UNC79: variants seen among roughly 807,000 people sequenced by gnomAD.
The protein encoded by UNC79 is protein unc-79 homolog.
Under a neutral mutation model 283.1 loss-of-function variants are expected in UNC79, and 37 were observed. That is an observed-to-expected ratio of 0.13 (90% CI 0.10 to 0.17). The LOEUF is 0.17. Among genes scored for constraint, UNC79 ranks in the 10% least tolerant of loss-of-function variants. The pLI is 1.00. For missense variants in UNC79, 2,272 were observed against 3,211.1 expected (o/e 0.71, Z 7.07); for synonymous variants, 1,107 against 1,200.2 (o/e 0.92, Z 1.61).
At position 93,568,086 on chromosome 14, in the gene UNC79, A is replaced by G. The variant is rs113215323; in HGVS notation, c.1756-3808A>G. ...GAAGACTTTGAATAGAATGGGAGGC[A>G]GATTTGCCCTGAGCAGTTCCCAGCT... On this transcript the variant is annotated intron_variant, in intron 14 of 48. Transcript: ENST00000555664. 3.0e-3 allele frequency among the ~76,000 whole-genome samples: 464 copies of G among 152,266 alleles called. 1 individual carries two copies. Among genetic ancestry groups the G allele is most frequent in the African/African-American group, 0.01 (427 of 41,560 alleles).
At chr14:93,452,683 T>C (rs1281760118) in intron 1 of UNC79, among the ~76,000 whole-genome samples, 11 of 152,110 alleles carry the variant, frequency 7.2e-5, no homozygotes, top group Admixed American at 6.6e-4. Flanking sequence ...CCACTGCACC[T>C]GGCCGAATTT....
intron 32 of UNC79, among the ~76,000 whole-genome samples, chr14:93,640,084 T>G (rs941766263): frequency 2.0e-5 from 3 of 152,230 alleles, no homozygotes; most frequent in African/African-American, 7.2e-5. Flanking sequence ...TTTGAGATTC[T>G]TCTTGGGGTG....
At chr14:93,672,866 A>G (rs1221534858) in intron 40 of UNC79, among the ~76,000 whole-genome samples, 1 of 152,174 alleles carries the variant, frequency 6.6e-6, no homozygotes, top group East Asian at 1.9e-4. Context: ...AAGCAAAATG[A>G]TGTGATCTGA....
At position 93,617,047 on chromosome 14, in the gene UNC79, G is replaced by T; in HGVS notation, c.4042-75G>T. 7.2e-7 allele frequency: 1 copy of T among 1,392,698 alleles called. No homozygotes were observed. Among genetic ancestry groups the T allele is most frequent in the South Asian group, 1.5e-5 (1 of 64,678 alleles). The allele number at this position is 1,392,698 out of a possible 1,614,324, so 86.3% of individuals were successfully genotyped here. On this transcript the variant is annotated intron_variant, in intron 27 of 48. Coordinates refer to ENST00000555664, the Ensembl canonical transcript of UNC79. The surrounding 1 kb of genome is among the most constrained non-coding windows in gnomAD (Gnocchi z 4.5). ...GTTAAAAATTTTAACCACTGGGATG[G>T]CTCAAATTTTTCCTTTTGACCTCTG...
intron 38 of UNC79, 31 bp downstream of exon 41, chr14:93,655,438 T>G (rs758649996): frequency 3.1e-6 from 5 of 1,605,702 alleles, no homozygotes; most frequent in Non-Finnish European, 4.3e-6. Flanking sequence ...CATTTTCAAT[T>G]AATTTCTTAC....
intron 40 of UNC79, among the ~76,000 whole-genome samples, chr14:93,665,429 A>G (rs370672857): frequency 6.6e-6 from 1 of 151,884 alleles, no homozygotes; most frequent in Non-Finnish European, 1.5e-5. Context: ...ATAAAGAGAA[A>G]TTCTAACAGA....
chr14:93,660,326 TAGA>T (rs1268723586), intron 39 of UNC79, among the ~76,000 whole-genome samples: 1 of 151,758 alleles, frequency 6.6e-6, no homozygotes, highest in Admixed American at 6.6e-5. Flanking sequence ...AGCTGGTTAG[TAGA>T]AGATTTGTGA....
exon 33 of UNC79, chr14:93,641,203 A>C: frequency 1.9e-6 from 3 of 1,613,794 alleles, no homozygotes; most frequent in Non-Finnish European, 2.5e-6. Flanking sequence ...TTGTGCCTGC[A>C]CCTGAAGAGT....
intron 12 of UNC79, among the ~76,000 whole-genome samples, chr14:93,540,078 T>A (rs2061302931): frequency 6.6e-6 from 1 of 152,238 alleles, no homozygotes; most frequent in Admixed American, 6.5e-5. Context: ...TCTTAATACA[T>A]TACCAAGTTG....
chr14:93,685,951 T>C (rs1355699793), intron 42 of UNC79, among the ~76,000 whole-genome samples: 1 of 152,228 alleles, frequency 6.6e-6, no homozygotes, highest in African/African-American at 2.4e-5. Context: ...TTTCGTTTCT[T>C]TCTTTTATTT....
At chr14:93,446,039 G>A (rs530380853) in intron 1 of UNC79, among the ~76,000 whole-genome samples, 11 of 152,056 alleles carry the variant, frequency 7.2e-5, no homozygotes, top group African/African-American at 2.4e-4. Flanking sequence ...CTGGTTAGAG[G>A]TTTATACATT....
intron 46 of UNC79, among the ~76,000 whole-genome samples, chr14:93,692,911 A>G (rs2074811013): frequency 6.6e-6 from 1 of 152,206 alleles, no homozygotes; most frequent in Non-Finnish European, 1.5e-5. Flanking sequence ...GACACCATCA[A>G]TAGAGTTCTT....
chr14:93,347,454 C>T (rs1243664676), intron 1 of UNC79: 2 of 1,388,152 alleles, frequency 1.4e-6, no homozygotes, highest in Non-Finnish European at 9.3e-7. Flanking sequence ...CGGGGCGCCC[C>T]GACGGGTGGG....
chr14:93,649,683 T>C lies in UNC79; in HGVS notation c.6083+3037T>C, dbSNP rs181721148. On this transcript the variant is annotated intron_variant, in intron 35 of 48. Transcript: ENST00000555664. ...TGTGAAATGATTACCACAATCAAGC[T>C]AATTAACATATCACCTCACATAGTT... 9.6e-4 allele frequency among the ~76,000 whole-genome samples: 146 copies of C among 152,360 alleles called. 1 individual carries two copies. The highest frequency in any genetic ancestry group is 3.4e-3 in the African/African-American group (142 of 41,584).
intron 1 of UNC79, among the ~76,000 whole-genome samples, chr14:93,408,701 C>A (rs1006975923): frequency 6.6e-5 from 10 of 152,018 alleles, no homozygotes; most frequent in African/African-American, 2.4e-4. Flanking sequence ...TAAAAAAAAC[C>A]CACAAAGTGT....
At chr14:93,691,682 G>C (rs2074711846) in intron 45 of UNC79, 67 bp from the exon 49 acceptor site, 2 of 1,572,268 alleles carry the variant, frequency 1.3e-6, no homozygotes, top group African/African-American at 2.7e-5. Flanking sequence ...AGCCATGCGG[G>C]AGGACTCCGT....
intron 26 of UNC79, chr14:93,604,919 C>A: frequency 6.3e-7 from 1 of 1,586,438 alleles, no homozygotes; most frequent in Non-Finnish European, 8.5e-7. Context: ...CAGGCATGAG[C>A]AGTCTGCTCC....
intron 23 of UNC79, among the ~76,000 whole-genome samples, chr14:93,597,112 A>G (rs912981782): frequency 7.2e-5 from 11 of 152,198 alleles, no homozygotes; most frequent in African/African-American, 2.7e-4. Flanking sequence ...CCAGAGTTAG[A>G]TCAAGGCTGC....
intron 1 of UNC79, among the ~76,000 whole-genome samples, chr14:93,412,271 C>T: frequency 6.6e-6 from 1 of 151,972 alleles, no homozygotes; most frequent in Non-Finnish European, 1.5e-5. Flanking sequence ...AACAGTGAAG[C>T]ATGCCTACAG....
Sources: allele counts gnomAD v4.1 joint callset (sites outside exome capture counted in the v4.1 genomes callset), GRCh38; gene constraint gnomAD v4.1.1; non-coding constraint Gnocchi (gnomAD v3.1); transcripts MANE v1.5; gene names NCBI Gene and HGNC (gene_info 2026-07-23, HGNC 2026-07-21).